The following FUT8 variants were observed in gnomAD, a reference collection of about 807,000 sequenced individuals.
FUT8 encodes alpha-(1,6)-fucosyltransferase.
In FUT8, 29 loss-of-function variants were observed where a neutral mutation model predicts 71.3. The observed-to-expected ratio is 0.41, with a 90% CI of 0.30 to 0.55. The LOEUF (loss-of-function observed/expected upper bound fraction) is 0.55, where lower values mean the gene tolerates loss of function less well. FUT8 is among the 20% of genes least tolerant of loss of function. FUT8 has a pLI of 0.34. For missense variants in FUT8, 544 were observed against 702.1 expected (o/e 0.77, Z 2.55); for synonymous variants, 254 against 239.3 (o/e 1.06, Z -0.57).
At chr14:65,599,090 A>G (rs1215182859) in intron 3 of FUT8, among the ~76,000 whole-genome samples, 1 of 152,178 alleles carries the variant, frequency 6.6e-6, no homozygotes, top group East Asian at 1.9e-4. Flanking sequence ...CGCCTGGCCC[A>G]GAACATTTTT....
chr14:65,576,582 G>A (rs565813711), intron 3 of FUT8, among the ~76,000 whole-genome samples: 2 of 151,558 alleles, frequency 1.3e-5, no homozygotes, highest in South Asian at 2.1e-4. Context: ...AGGCTGGAGT[G>A]TAGTGGTGCA....
intron 3 of FUT8, among the ~76,000 whole-genome samples, chr14:65,611,301 A>C (rs534722475): frequency 0.065 from 2,502 of 38,550 alleles, 437 homozygotes; most frequent in African/African-American, 0.27. Context: ...ACACACACAC[A>C]CCCCCCAAGT....
chr14:65,424,307 A>C (rs1330330134), intron 1 of FUT8, among the ~76,000 whole-genome samples: 2 of 152,030 alleles, frequency 1.3e-5, no homozygotes. Flanking sequence ...AGTACAGTTA[A>C]ATTTATGTAG....
At chr14:65,420,107 A>T (rs2065271251) in intron 1 of FUT8, among the ~76,000 whole-genome samples, 1 of 152,130 alleles carries the variant, frequency 6.6e-6, no homozygotes, top group Non-Finnish European at 1.5e-5. Context: ...AGCAACAGAA[A>T]CCTGGTAATG....
chr14:65,620,607 T>C (rs1439979407), intron 5 of FUT8, among the ~76,000 whole-genome samples: 1 of 152,204 alleles, frequency 6.6e-6, no homozygotes, highest in Non-Finnish European at 1.5e-5. Context: ...ATTCCCACTC[T>C]TGAAAAGTTA....
chr14:65,486,622 G>T (rs2066412932), intron 2 of FUT8, among the ~76,000 whole-genome samples: 1 of 152,230 alleles, frequency 6.6e-6, no homozygotes, highest in South Asian at 2.1e-4. Context: ...GGTAGCTGGA[G>T]CTAGGGCAGT....
In FUT8 at chr14:65,669,517, G is replaced by C. The variant is rs773363576; in HGVS notation, c.835+37G>C. On this transcript the variant is annotated intron_variant, in intron 7 of 10. Coordinates refer to ENST00000673929, the MANE Select transcript of FUT8 (RefSeq NM_001371533.1). This position sits in a 1 kb window ranked among gnomAD's most constrained non-coding sequence, Gnocchi z 4.5. ...GTGCAGCATATGAGATCTCTGGGCT[G>C]TTTCACTCAATTACCAGATTATTAG... is the stretch of plus-strand genomic sequence containing the variant. 2 of 1,410,666 alleles carry C rather than the reference G, an allele frequency of 1.4e-6. No individual in the cohort carries two copies. Among genetic ancestry groups the C allele is most frequent in the Admixed American group, 1.7e-5 (1 of 58,730 alleles). The allele number at this position is 1,410,666 out of a possible 1,614,324, so 87.4% of individuals were successfully genotyped here.
At chr14:65,438,935 G>A (rs777569963) in intron 1 of FUT8, among the ~76,000 whole-genome samples, 4 of 152,198 alleles carry the variant, frequency 2.6e-5, no homozygotes, top group Admixed American at 2.6e-4. Flanking sequence ...ATGAAGGAAT[G>A]TGTAAGCACA....
At chr14:65,650,298 CAAAAAAAAAAAAAAA>C (rs869168766) in intron 6 of FUT8, among the ~76,000 whole-genome samples, 4 of 39,676 alleles carry the variant, frequency 1.0e-4, no homozygotes, top group Admixed American at 8.3e-4. Flanking sequence ...GACTCTGTCT[CAAAAAAAAAAAAAAA>C]AAAAAAAAAA....
At chr14:65,412,126 T>C (rs1390331365), upstream of FUT8, 3 of 454,564 alleles carry the variant, frequency 6.6e-6, no homozygotes, top group African/African-American at 2.0e-5. Context: ...ACTCAGGCCC[T>C]CGTGGGGGGG....
the FUT8 span, among the ~76,000 whole-genome samples, chr14:65,384,578 T>G: frequency 9.2e-5 from 14 of 152,330 alleles, no homozygotes; most frequent in Admixed American, 3.9e-4. The surrounding 1 kb of genome is among the most constrained non-coding windows in gnomAD (Gnocchi z 4.2). Context: ...AAGCTATCAG[T>G]CAGATTTATG....
chr14:65,505,986 A>G (rs2066727512), intron 2 of FUT8, among the ~76,000 whole-genome samples: 1 of 152,212 alleles, frequency 6.6e-6, no homozygotes, highest in Non-Finnish European at 1.5e-5. Context: ...ATTTTGTAAT[A>G]GTCCACCATG....
rs543453608 is a variant in FUT8, at chr14:65,604,334, G to A, written c.204-11644G>A. On this transcript the variant is annotated intron_variant, in intron 3 of 10. Transcript: ENST00000673929. Reference sequence around the variant, plus strand: ...ATCAGCGCATGGAACTTTCTCCAAGGTAGACCATTTGATAGGCCACAAAAC... The same window carrying A: ...ATCAGCGCATGGAACTTTCTCCAAGATAGACCATTTGATAGGCCACAAAAC... Among the ~76,000 whole-genome samples the A allele has an allele frequency of 1.3e-4, 20 of 151,834 alleles. 2 individuals are homozygous for A. Among genetic ancestry groups the A allele is most frequent in the Non-Finnish European group, 2.9e-4 (20 of 67,858 alleles).
chr14:65,561,506 C>G lies in FUT8; in HGVS notation c.-58C>G. Reference sequence around the variant, plus strand: ...TGTGCACTAACTAGAAACAGAGTTACAATGTTTTCAATTCTTTGAGCTCCA... The same window carrying G: ...TGTGCACTAACTAGAAACAGAGTTAGAATGTTTTCAATTCTTTGAGCTCCA... On this transcript the variant is annotated 5_prime_UTR_variant, in exon 3 of 11. Coordinates refer to ENST00000673929, the MANE Select transcript of FUT8 (RefSeq NM_001371533.1). 2.0e-6 allele frequency: 3 copies of G among 1,519,252 alleles called. No individual in the cohort carries two copies. The South Asian group carries it at 3.4e-5, about 17-fold the overall frequency. 94.1% of individuals were successfully genotyped at this position (1,519,252 alleles called of 1,614,324 possible).
chr14:65,557,047 T>C (rs938816854), intron 2 of FUT8, among the ~76,000 whole-genome samples: 1 of 152,218 alleles, frequency 6.6e-6, no homozygotes, highest in Non-Finnish European at 1.5e-5. Context: ...GAGCACTTCT[T>C]CTGTGCCAAG....
At chr14:65,494,420 A>G (rs1277044265) in intron 2 of FUT8, among the ~76,000 whole-genome samples, 2 of 152,060 alleles carry the variant, frequency 1.3e-5, no homozygotes, top group Non-Finnish European at 2.9e-5. Flanking sequence ...AGAAGAGAAA[A>G]GGTTTATTGT....
intron 9 of FUT8, among the ~76,000 whole-genome samples, chr14:65,732,740 C>A (rs113487332): frequency 6.6e-6 from 1 of 152,142 alleles, no homozygotes; most frequent in African/African-American, 2.4e-5. Context: ...TTAAAATATT[C>A]ATCTCTTAAC....
chr14:65,611,235 A>G lies in FUT8; in HGVS notation c.204-4743A>G, dbSNP rs1161076561. On this transcript the variant is annotated intron_variant, in intron 3 of 10. Coordinates refer to ENST00000673929, the MANE Select transcript of FUT8 (RefSeq NM_001371533.1). ...CGCGCGCGCGCGCGCACACACACAC[A>G]CACACACACACACACACACACACAC... Among the ~76,000 whole-genome samples the G allele has an allele frequency of 1.3e-3, 6 of 4,556 alleles. 2 individuals carry two copies. The highest frequency in any genetic ancestry group is 2.7e-3 in the African/African-American group (4 of 1,482). The allele number at this position is 4,556 out of a possible 152,430, so 3.0% of individuals were successfully genotyped here.
intron 1 of FUT8, among the ~76,000 whole-genome samples, chr14:65,434,784 C>A (rs751991664): frequency 1.3e-5 from 2 of 152,052 alleles, no homozygotes; most frequent in Non-Finnish European, 2.9e-5. Flanking sequence ...AAAGCCCCCC[C>A]ACCTTTTTTT....
Sources: allele counts gnomAD v4.1 joint callset (sites outside exome capture counted in the v4.1 genomes callset), GRCh38; gene constraint gnomAD v4.1.1; non-coding constraint Gnocchi (gnomAD v3.1); transcripts MANE v1.5; gene names NCBI Gene and HGNC (gene_info 2026-07-23, HGNC 2026-07-21).